Variants in PTPRA observed in about 807,000 individuals in gnomAD.
PTPRA encodes protein tyrosine phosphatase receptor type A.
A neutral mutation model predicts 104.8 loss-of-function variants in PTPRA; 25 were observed. That is an observed-to-expected ratio of 0.24 (90% CI 0.17 to 0.33). PTPRA has a LOEUF of 0.33. Ranked by LOEUF, PTPRA falls within the 10% of genes least tolerant of loss-of-function variation. PTPRA has a pLI of 1.00. For missense variants in PTPRA, 765 were observed against 1,015.3 expected, an observed-to-expected ratio of 0.75 and a Z score of 3.35; for synonymous variants, 323 against 368.9, an observed-to-expected ratio of 0.88 and a Z score of 1.43.
At chr20:3,007,226 C>T in intron 10 of PTPRA, 118 bp from the exon 11 acceptor site, 1 of 943,652 alleles carries the variant, frequency 1.1e-6, no homozygotes, top group South Asian at 1.7e-5. Context: ...GGAGTGGCAT[C>T]TTTATACAAG....
chr20:3,020,921 C>T (rs752830091), intron 13 of PTPRA, among the ~76,000 whole-genome samples: 15 of 152,326 alleles, frequency 9.8e-5, no homozygotes, highest in Non-Finnish European at 2.2e-4. Flanking sequence ...ACCCTGGTGG[C>T]CCCCTCATAG....
At chr20:2,894,370 C>A (rs6138931) in intron 1 of PTPRA, among the ~76,000 whole-genome samples, 1 of 152,136 alleles carries the variant, frequency 6.6e-6, no homozygotes, top group African/African-American at 2.4e-5. Flanking sequence ...AACCCAAATA[C>A]GTTTTTCAAG....
chr20:3,008,858 G>C (rs1323915521), intron 11 of PTPRA, among the ~76,000 whole-genome samples: 1 of 152,034 alleles, frequency 6.6e-6, no homozygotes, highest in African/African-American at 2.4e-5. Context: ...GTTGCAGTGA[G>C]CCGAGATGGC....
chr20:2,971,969 G>T (rs564137960), intron 5 of PTPRA, among the ~76,000 whole-genome samples: 8 of 152,156 alleles, frequency 5.3e-5, no homozygotes, highest in African/African-American at 1.9e-4. Flanking sequence ...GAGTAGCTGG[G>T]ACTACAGGCA....
At chr20:2,886,238 GTTA>G (rs1158395971) in intron 1 of PTPRA, among the ~76,000 whole-genome samples, 1 of 151,902 alleles carries the variant, frequency 6.6e-6, no homozygotes, top group East Asian at 1.9e-4. Context: ...TTTTTTAAAG[GTTA>G]TTATAGTAGT....
upstream of PTPRA, among the ~76,000 whole-genome samples, chr20:2,868,811 T>C (rs532479012): frequency 1.3e-5 from 2 of 152,194 alleles, no homozygotes; most frequent in South Asian, 4.2e-4. Context: ...TTTTAGAATG[T>C]ACACAATACA....
intron 11 of PTPRA, among the ~76,000 whole-genome samples, chr20:3,015,417 C>G (rs2064390802): frequency 1.3e-5 from 2 of 150,748 alleles, no homozygotes; most frequent in Admixed American, 1.3e-4. Context: ...AAGCAATTCT[C>G]TTGCCTTAGC....
intron 3 of PTPRA, among the ~76,000 whole-genome samples, chr20:2,948,625 G>T (rs1246987993): frequency 1.3e-5 from 2 of 151,976 alleles, no homozygotes; most frequent in Non-Finnish European, 2.9e-5. Flanking sequence ...AGCACTTCCC[G>T]CCATTTTCTA....
chr20:2,918,044 C>G (rs1308878448), intron 1 of PTPRA, among the ~76,000 whole-genome samples: 1 of 141,990 alleles, frequency 7.0e-6, no homozygotes, highest in Non-Finnish European at 1.5e-5. Flanking sequence ...GCCGAGATTG[C>G]ACCACTGCAC....
At chr20:2,969,169 G>C (rs2062057841) in intron 5 of PTPRA, among the ~76,000 whole-genome samples, 1 of 151,456 alleles carries the variant, frequency 6.6e-6, no homozygotes, top group Non-Finnish European at 1.5e-5. Context: ...TCAAGTCCCT[G>C]CACTATAGCC....
rs969436917 is a variant in PTPRA, at chr20:2,986,817, C to T, written c.495C>T (p.Ile165=). ...TGGCCCTGTCCTCTCTGCTAGTGATCGTGTTTATTATCATAGTTTTGTACA... is the reference window on the plus strand; with the variant it reads ...TGGCCCTGTCCTCTCTGCTAGTGATTGTGTTTATTATCATAGTTTTGTACA... The part of the protein sequence containing the change: ...VMVALSSLLV[I]VFIIIVLYML... Residue 165 remains isoleucine, a synonymous_variant, in exon 7 of 24, where the codon ATC becomes ATT. Coordinates refer to ENST00000399903, the MANE Select transcript of PTPRA (RefSeq NM_001385305.1). The T allele has an allele frequency of 1.9e-6, 3 of 1,612,784 alleles. No individual in the cohort carries two copies. The highest frequency in any genetic ancestry group is 2.5e-6 in the Non-Finnish European group (3 of 1,178,816).
At chr20:2,927,616 A>G (rs1219686206) in intron 2 of PTPRA, among the ~76,000 whole-genome samples, 1 of 152,138 alleles carries the variant, frequency 6.6e-6, no homozygotes, top group Non-Finnish European at 1.5e-5. Context: ...ACACAGTCAT[A>G]TTGGTATTTT....
In PTPRA at chr20:2,977,133, G is replaced by A. The variant is rs766359958; in HGVS notation, c.442+1892G>A. Among the ~76,000 whole-genome samples the A allele has an allele frequency of 3.8e-4, 57 of 151,548 alleles. 1 individual carries two copies. The highest frequency in any genetic ancestry group is 6.3e-4 in the South Asian group (3 of 4,780). ...TCTACTAAAAATACAAAAATTAGCC[G>A]GGCGTGGTGGTGTGCGCCTGTAATC... On this transcript the variant is annotated intron_variant, in intron 6 of 23. Transcript: ENST00000399903.
intron 13 of PTPRA, among the ~76,000 whole-genome samples, chr20:3,020,845 T>C (rs1224873618): frequency 2.6e-5 from 4 of 152,220 alleles, no homozygotes; most frequent in African/African-American, 9.6e-5. Context: ...TTGGAAGCTA[T>C]CCAAAGCTCA....
At chr20:2,907,895 C>CT (rs1482975126) in intron 1 of PTPRA, among the ~76,000 whole-genome samples, 1 of 151,570 alleles carries the variant, frequency 6.6e-6, no homozygotes, top group South Asian at 2.1e-4. Context: ...GGCTAATAGT[C>CT]TTTTTTTCTT....
At chr20:3,030,506 C>T (rs1304453043) in intron 20 of PTPRA, among the ~76,000 whole-genome samples, 1 of 152,038 alleles carries the variant, frequency 6.6e-6, no homozygotes, top group Non-Finnish European at 1.5e-5. Flanking sequence ...GTAATTAACG[C>T]ACTAAGCCTA....
chr20:3,012,860 A>AT (rs922405223), intron 11 of PTPRA, among the ~76,000 whole-genome samples: 1 of 152,152 alleles, frequency 6.6e-6, no homozygotes, highest in Non-Finnish European at 1.5e-5. Context: ...GAATTCAGTG[A>AT]TTTTTTGGTA....
At chr20:2,910,591 TTTTTTTTTGTTTTTTTTAA>T in intron 1 of PTPRA, among the ~76,000 whole-genome samples, 1 of 126,092 alleles carries the variant, frequency 7.9e-6, no homozygotes, top group African/African-American at 3.3e-5. Context: ...TTTTTTTTGT[TTTTTTTTTGTTTTTTTTAA>T]TTTTTTTTTT....
chr20:2,865,607 G>A, the PTPRA span: 17 of 978,332 alleles, frequency 1.7e-5, no homozygotes, highest in African/African-American at 1.5e-4. This position sits in a 1 kb window ranked among gnomAD's most constrained non-coding sequence, Gnocchi z 5.2. Flanking sequence ...TCAGCTGCCC[G>A]CATAGTTAGC....
Sources: gnomAD v4.1 joint callset for allele counts (sites outside exome capture counted in the v4.1 genomes callset) on GRCh38, gnomAD v4.1.1 for gene constraint, Gnocchi (gnomAD v3.1) non-coding constraint, MANE v1.5 for transcripts, NCBI Gene and HGNC (gene_info 2026-07-23, HGNC 2026-07-21) for gene names.